Variants in ELAVL2 observed in about 807,000 individuals in gnomAD.
ELAVL2 encodes the protein ELAV-like protein 2.
A neutral mutation model predicts 34.6 loss-of-function variants in ELAVL2; 4 were observed. The observed-to-expected ratio is 0.12, with a 90% CI of 0.06 to 0.26. The LOEUF is 0.26. ELAVL2 is among the 10% of genes least tolerant of loss of function. The probability of loss-of-function intolerance (pLI) is 1.00; values close to 1 mark genes in which losing one functional copy is unlikely to be tolerated. For missense variants in ELAVL2, 432 were observed against 442.8 expected, an observed-to-expected ratio of 0.98 and a Z score of 0.22; for synonymous variants, 193 against 154.8, an observed-to-expected ratio of 1.25 and a Z score of -1.83.
chr9:23,780,311 A>C (rs1399146394), intron 1 of ELAVL2, among the ~76,000 whole-genome samples: 1 of 152,186 alleles, frequency 6.6e-6, no homozygotes, highest in Non-Finnish European at 1.5e-5. Context: ...ACAGAATGTG[A>C]AGCTCTCACA....
intron 1 of ELAVL2, chr9:23,779,497 A>T: frequency 1.4e-6 from 1 of 713,528 alleles, no homozygotes; most frequent in African/African-American, 1.9e-5. Flanking sequence ...TTAGACTCAG[A>T]AACTAATGCA....
chr9:23,742,474 G>C (rs2049463388), intron 2 of ELAVL2, among the ~76,000 whole-genome samples: 1 of 152,186 alleles, frequency 6.6e-6, no homozygotes, highest in Non-Finnish European at 1.5e-5. Flanking sequence ...GTTAGAAAAG[G>C]AGTGAAAGAG....
At chr9:23,786,781 C>CAAAAAAAAAAAAAAAA (rs57292061) in intron 1 of ELAVL2, among the ~76,000 whole-genome samples, 78 of 108,108 alleles carry the variant, frequency 7.2e-4, no homozygotes, top group Non-Finnish European at 1.2e-3. Flanking sequence ...ATTTTAGTGG[C>CAAAAAAAAAAAAAAAA]AAAAAAAAAA....
intron 2 of ELAVL2, among the ~76,000 whole-genome samples, chr9:23,736,629 C>T (rs931800800): frequency 6.6e-6 from 1 of 152,144 alleles, no homozygotes; most frequent in African/African-American, 2.4e-5. Context: ...TCTGCCACAC[C>T]CGCATCACGT....
chr9:23,801,932 C>T (rs1036956101), intron 1 of ELAVL2, among the ~76,000 whole-genome samples: 3 of 152,152 alleles, frequency 2.0e-5, no homozygotes, highest in Non-Finnish European at 4.4e-5. Flanking sequence ...TTTTAGATGA[C>T]ACCTCACCTC....
chr9:23,827,804 A>T (rs544764036), upstream of ELAVL2, among the ~76,000 whole-genome samples: 3 of 152,284 alleles, frequency 2.0e-5, 1 homozygote, highest in African/African-American at 7.2e-5. Flanking sequence ...AGTGTTGATA[A>T]ATGATTAATG....
At chr9:23,700,705 CAGAG>C (rs1474125002) in intron 5 of ELAVL2, among the ~76,000 whole-genome samples, 5 of 152,092 alleles carry the variant, frequency 3.3e-5, no homozygotes, top group African/African-American at 1.2e-4. Context: ...TGGTACTGTA[CAGAG>C]AAAGTCTGCC....
the ELAVL2 span, among the ~76,000 whole-genome samples, chr9:23,850,447 G>A: frequency 1.3e-5 from 2 of 152,060 alleles, no homozygotes; most frequent in Admixed American, 6.5e-5. Flanking sequence ...TGCAGCCGAG[G>A]CTCCCGCGAG....
upstream of ELAVL2, chr9:23,829,949 G>A (rs2065446248): frequency 6.6e-6 from 1 of 152,122 alleles, no homozygotes; most frequent in African/African-American, 2.4e-5. Context: ...TTTGAATTAG[G>A]CTGGCATTTC....
chr9:23,834,927 A>C, the ELAVL2 span, among the ~76,000 whole-genome samples: 1 of 152,214 alleles, frequency 6.6e-6, no homozygotes, highest in South Asian at 2.1e-4. Context: ...CTTTTATCAC[A>C]AAAAGCTCAA....
rs540357246 is a variant in ELAVL2, at chr9:23,753,635, A to C, written c.229+8371T>G. On this transcript the variant is annotated intron_variant, in intron 2 of 6. Transcript: ENST00000397312. ...TCATATCACAATTTAACTGTTTTTT[A>C]TCTTCTAACTGAACTATTTCCATTT... Among the ~76,000 whole-genome samples the C allele has an allele frequency of 2.0e-5, 3 of 152,290 alleles. 1 individual carries two copies. The highest frequency in any genetic ancestry group is 7.2e-5 in the African/African-American group (3 of 41,582).
At chr9:23,834,531 A>T in the ELAVL2 span, among the ~76,000 whole-genome samples, 2 of 152,022 alleles carry the variant, frequency 1.3e-5, no homozygotes, top group Non-Finnish European at 1.5e-5. Flanking sequence ...AAATACTCAA[A>T]ACTTCCTGAC....
chr9:23,741,069 A>G (rs555483702), intron 2 of ELAVL2, among the ~76,000 whole-genome samples: 1 of 152,350 alleles, frequency 6.6e-6, no homozygotes, highest in East Asian at 1.9e-4. Flanking sequence ...CATAAAGTGC[A>G]TCGCAGGGGT....
chr9:23,826,570 A>G (rs1564620470), upstream of ELAVL2, among the ~76,000 whole-genome samples: 2 of 152,220 alleles, frequency 1.3e-5, no homozygotes, highest in Admixed American at 1.3e-4. Flanking sequence ...GGGAAATGCA[A>G]GAAGCAAAAA....
At chr9:23,700,548 G>A (rs1330792643) in intron 5 of ELAVL2, among the ~76,000 whole-genome samples, 1 of 152,178 alleles carries the variant, frequency 6.6e-6, no homozygotes, top group East Asian at 1.9e-4. Context: ...AATTACAACC[G>A]ACAGGCCAAA....
chr9:23,794,437 G>A (rs1405539775), intron 1 of ELAVL2, among the ~76,000 whole-genome samples: 1 of 152,178 alleles, frequency 6.6e-6, no homozygotes, highest in Non-Finnish European at 1.5e-5. Flanking sequence ...AAGGCAAGCT[G>A]TCCTGCCAGA....
intron 1 of ELAVL2, chr9:23,783,600 T>G: frequency 1.2e-5 from 8 of 665,722 alleles, no homozygotes; most frequent in Non-Finnish European, 1.5e-5. Flanking sequence ...ATCAACACAT[T>G]TGAAGGACAG....
At chr9:23,781,017 G>C (rs1305667493) in intron 1 of ELAVL2, among the ~76,000 whole-genome samples, 1 of 152,114 alleles carries the variant, frequency 6.6e-6, no homozygotes, top group Non-Finnish European at 1.5e-5. Context: ...AATCACTGCT[G>C]GTCCTAAATC....
chr9:23,826,805 C>T (rs944337830), upstream of ELAVL2, among the ~76,000 whole-genome samples: 4 of 152,204 alleles, frequency 2.6e-5, no homozygotes, highest in Non-Finnish European at 5.9e-5. Context: ...GATGAATGTA[C>T]ATCCATTATT....
Sources: allele counts gnomAD v4.1 joint callset (sites outside exome capture counted in the v4.1 genomes callset), GRCh38; gene constraint gnomAD v4.1.1; transcripts MANE v1.5; gene names NCBI Gene and HGNC (gene_info 2026-07-23, HGNC 2026-07-21).